BACE2: variants seen among roughly 807,000 people sequenced by gnomAD.
The protein encoded by BACE2 is beta-secretase 2.
In BACE2, 17 loss-of-function variants were observed where a neutral mutation model predicts 46.2. The observed-to-expected ratio is 0.37, with a 90% CI of 0.25 to 0.55. The LOEUF (loss-of-function observed/expected upper bound fraction) is 0.55, where lower values mean the gene tolerates loss of function less well. Ranked by LOEUF, BACE2 falls within the 20% of genes least tolerant of loss-of-function variation. The probability of loss-of-function intolerance (pLI) is 0.82; values close to 1 mark genes in which losing one functional copy is unlikely to be tolerated. For missense variants in BACE2, 595 were observed against 698.1 expected, an observed-to-expected ratio of 0.85 and a Z score of 1.66; for synonymous variants, 277 against 295.9, an observed-to-expected ratio of 0.94 and a Z score of 0.66.
chr21:41,275,487 G>T lies in BACE2; in HGVS notation c.1420G>T (p.Ala474Ser), dbSNP rs757028056. Residue 474 changes from alanine (A) to serine (S), a missense_variant, in exon 9 of 9, where the codon GCG becomes TCG. Physicochemically the swap from Ala to Ser is moderately conservative, Grantham distance 99. This residue lies in a region of BACE2 where 343 missense variants were observed against 419.4 expected (regional missense o/e 0.82). Coordinates refer to ENST00000330333, the MANE Select transcript of BACE2 (RefSeq NM_012105.5). ...GCCCATTTTGTGGATTGTGTCCTAT[G>T]CGCTCATGAGCGTCTGTGGAGCCAT... is the stretch of plus-strand genomic sequence containing the variant. ...SEPILWIVSY[A>S]LMSVCGAILL... is the part of the protein sequence containing the mutation. 1.2e-6 allele frequency: 2 copies of T among 1,614,102 alleles called. No individual in the cohort carries two copies. The highest frequency in any genetic ancestry group is 8.5e-7 in the Non-Finnish European group (1 of 1,180,018).
chr21:41,186,707 G>A (rs958938596), intron 1 of BACE2: 1 of 152,284 alleles, frequency 6.6e-6, no homozygotes, highest in East Asian at 1.9e-4. Context: ...CAGCTTTCAT[G>A]GAAGCAGCTG....
chr21:41,179,970 G>A (rs1346108508), intron 1 of BACE2: 5 of 354,886 alleles, frequency 1.4e-5, no homozygotes, highest in African/African-American at 8.6e-5. Context: ...GGGCAAGCCA[G>A]TGGTGTTAGC....
chr21:41,247,220 T>G (rs1477431038), intron 6 of BACE2, among the ~76,000 whole-genome samples: 1 of 152,136 alleles, frequency 6.6e-6, no homozygotes, highest in Non-Finnish European at 1.5e-5. Context: ...TGTCCTGAAC[T>G]TCAAACACCT....
At position 41,264,768 on chromosome 21, in the gene BACE2, G is replaced by C. The variant is rs143327630; in HGVS notation, c.1303+7442G>C. ...GGGATCCCAATTCAACATGAGATTT[G>C]GATGGGGACACAGTGCCAAACCATA... On this transcript the variant is annotated intron_variant, in intron 8 of 8. Coordinates refer to ENST00000330333, the MANE Select transcript of BACE2 (RefSeq NM_012105.5). Among the ~76,000 whole-genome samples the C allele has an allele frequency of 2.0e-5, 3 of 152,180 alleles. No homozygotes were observed. In the East Asian group the frequency reaches 5.8e-4, roughly 29 times the overall value.
In BACE2 at chr21:41,282,169, G is replaced by A. The variant is rs960301759; in HGVS notation, c.*6545G>A. ...TGCAAAAAGTAGTGCTTTGCAAAAC[G>A]TTTGTTTTCTGTTTATCTCAGATTA... On this transcript the variant is annotated 3_prime_UTR_variant, in exon 9 of 9. Coordinates refer to ENST00000330333, the MANE Select transcript of BACE2 (RefSeq NM_012105.5). 11 of 152,148 alleles carry A rather than the reference G, an allele frequency of 7.2e-5. No individual in the cohort carries two copies. Among genetic ancestry groups the A allele is most frequent in the Admixed American group, 3.9e-4 (6 of 15,274 alleles). The allele number at this position is 152,148 out of a possible 1,614,324, so 9.4% of individuals were successfully genotyped here.
chr21:41,189,494 T>C (rs1985493383), intron 1 of BACE2, among the ~76,000 whole-genome samples: 1 of 152,252 alleles, frequency 6.6e-6, no homozygotes, highest in Admixed American at 6.5e-5. Context: ...CATCTTCTTA[T>C]ATTTCTCTGA....
intron 1 of BACE2, among the ~76,000 whole-genome samples, chr21:41,201,119 C>T (rs1163680722): frequency 1.3e-5 from 2 of 152,206 alleles, no homozygotes; most frequent in African/African-American, 4.8e-5. Context: ...CAAGGAGGCC[C>T]TCAGGGACAC....
chr21:41,240,142 C>G (rs1349166444), intron 3 of BACE2, among the ~76,000 whole-genome samples: 2 of 152,134 alleles, frequency 1.3e-5, no homozygotes, highest in Non-Finnish European at 2.9e-5. Context: ...GGGAACAGGG[C>G]CTGCAGGGTG....
In BACE2 at chr21:41,282,399, G is replaced by A. The variant is rs2088556184; in HGVS notation, c.*6775G>A. 6.6e-6 allele frequency: 1 copy of A among 152,126 alleles called. No homozygotes were observed. Among genetic ancestry groups the A allele is most frequent in the Non-Finnish European group, 1.5e-5 (1 of 68,030 alleles). The allele number at this position is 152,126 out of a possible 1,614,324, so 9.4% of individuals were successfully genotyped here. ...GCTACTGACAAATGTCTGAACTATTGTCGTGCCCTTCAAAACTGGAGTTTT... is the reference window on the plus strand; with the variant it reads ...GCTACTGACAAATGTCTGAACTATTATCGTGCCCTTCAAAACTGGAGTTTT... On this transcript the variant is annotated 3_prime_UTR_variant, in exon 9 of 9. Coordinates refer to ENST00000330333, the MANE Select transcript of BACE2 (RefSeq NM_012105.5).
chr21:41,214,647 A>C (rs540608006), intron 1 of BACE2, among the ~76,000 whole-genome samples: 38 of 152,214 alleles, frequency 2.5e-4, no homozygotes, highest in Non-Finnish European at 4.7e-4. Context: ...TGGAATGTGC[A>C]TTTCTGCCAC....
intron 1 of BACE2, among the ~76,000 whole-genome samples, chr21:41,170,039 C>T (rs768094383): frequency 6.6e-6 from 1 of 152,100 alleles, no homozygotes; most frequent in East Asian, 1.9e-4. Context: ...TTGGAACAGG[C>T]CTTGAATGAA....
chr21:41,256,345 G>C (rs1055044173), intron 7 of BACE2, among the ~76,000 whole-genome samples: 1 of 152,058 alleles, frequency 6.6e-6, no homozygotes, highest in African/African-American at 2.4e-5. Flanking sequence ...GTGGTGTTTG[G>C]TTTTCTGTTC....
chr21:41,254,744 A>C (rs1987732470), intron 7 of BACE2, among the ~76,000 whole-genome samples: 1 of 152,226 alleles, frequency 6.6e-6, no homozygotes, highest in African/African-American at 2.4e-5. Flanking sequence ...TTCATTTAAC[A>C]CTGCACAGCA....
rs1568853912 is a variant in BACE2, at chr21:41,174,138, C to CTTTT, written c.312+5563_312+5564insTTTT. On this transcript the variant is annotated intron_variant, in intron 1 of 8. Coordinates refer to ENST00000330333, the MANE Select transcript of BACE2 (RefSeq NM_012105.5). The stretch of plus-strand genomic sequence containing the variant: ...TAAGGATAGCTGTTGTGATCAGTGG[C>CTTTT]CTTTTTTTTTTTTTTTTTTTTTTTT... 1.6e-3 allele frequency among the ~76,000 whole-genome samples: 111 copies of CTTTT among 70,616 alleles called. 14 individuals are homozygous for CTTTT. The East Asian group carries it at 0.031, about 20-fold the overall frequency. 46.3% of individuals were successfully genotyped at this position (70,616 alleles called of 152,430 possible). A position where few individuals can be genotyped will look rare whatever the true frequency, so the allele number is the denominator to read the frequency against.
chr21:41,207,085 C>T (rs1227607062), intron 1 of BACE2, among the ~76,000 whole-genome samples: 1 of 152,180 alleles, frequency 6.6e-6, no homozygotes. Flanking sequence ...ACTCCAGAAA[C>T]ATCTTGAGAA....
At chr21:41,223,719 TCAG>T (rs1174854165) in intron 1 of BACE2, among the ~76,000 whole-genome samples, 1 of 152,214 alleles carries the variant, frequency 6.6e-6, no homozygotes, top group Middle Eastern at 3.2e-3. Flanking sequence ...GTTAGGAACT[TCAG>T]CATCTCTTTT....
intron 8 of BACE2, among the ~76,000 whole-genome samples, chr21:41,268,161 A>G (rs1413917599): frequency 6.6e-6 from 1 of 152,172 alleles, no homozygotes; most frequent in Non-Finnish European, 1.5e-5. Flanking sequence ...TATTAACTTG[A>G]TTGTTCTTAC....
At chr21:41,187,497 C>T (rs930373552) in intron 1 of BACE2, among the ~76,000 whole-genome samples, 2 of 152,184 alleles carry the variant, frequency 1.3e-5, no homozygotes, top group Non-Finnish European at 2.9e-5. Flanking sequence ...TCTACCACTG[C>T]ACGTATTTGA....
At chr21:41,179,326 G>A in intron 1 of BACE2, 1 of 1,317,568 alleles carries the variant, frequency 7.6e-7, no homozygotes, top group Non-Finnish European at 1.0e-6. Context: ...AGAGTGTCCA[G>A]GGTGAGGAGT....
Sources: allele counts gnomAD v4.1 joint callset (sites outside exome capture counted in the v4.1 genomes callset), GRCh38; gene constraint gnomAD v4.1.1; regional missense constraint gnomAD v4.1.1; transcripts MANE v1.5; gene names NCBI Gene and HGNC (gene_info 2026-07-23, HGNC 2026-07-21).